Variants in ATF1 observed in about 807,000 individuals in gnomAD.
The protein encoded by ATF1 is activating transcription factor 1, also known as cyclic AMP-dependent transcription factor ATF-1.
A neutral mutation model predicts 34.7 loss-of-function variants in ATF1; 16 were observed. The observed-to-expected ratio is 0.46, with a 90% CI of 0.31 to 0.70. The LOEUF (loss-of-function observed/expected upper bound fraction) is 0.70, where lower values mean the gene tolerates loss of function less well. ATF1 is among the 30% of genes least tolerant of loss of function. The pLI, the probability that ATF1 is intolerant of heterozygous loss-of-function variation, is 0.05. For synonymous variants in ATF1, 105 were observed against 113.1 expected (o/e 0.93, Z 0.46); for missense variants, 255 against 321.6 (o/e 0.79, Z 1.58).
chr12:50,774,685 CTGT>C (rs1477663476), intron 1 of ATF1, among the ~76,000 whole-genome samples: 46 of 151,104 alleles, frequency 3.0e-4, no homozygotes, highest in African/African-American at 8.8e-4. Flanking sequence ...ACAGTATGTA[CTGT>C]TGTTTATGAG....
chr12:50,773,012 A>G (rs1308048887), intron 1 of ATF1, among the ~76,000 whole-genome samples: 1 of 152,200 alleles, frequency 6.6e-6, no homozygotes. Flanking sequence ...AAGTGAGAAC[A>G]TGCAGTGTTT....
intron 3 of ATF1, among the ~76,000 whole-genome samples, chr12:50,800,160 C>T (rs368965467): frequency 2.6e-5 from 4 of 152,166 alleles, no homozygotes; most frequent in African/African-American, 9.7e-5. Flanking sequence ...CTACAGAGTG[C>T]TCATCAGAAA....
chr12:50,804,720 C>G (rs1248519960), intron 3 of ATF1, among the ~76,000 whole-genome samples: 1 of 152,116 alleles, frequency 6.6e-6, no homozygotes. Context: ...TTCAGTAAAC[C>G]TGTCTCAGGA....
intron 3 of ATF1, among the ~76,000 whole-genome samples, chr12:50,800,116 T>G (rs1287495276): frequency 6.6e-6 from 1 of 152,200 alleles, no homozygotes; most frequent in Admixed American, 6.5e-5. Context: ...CAGAGAATAA[T>G]GGCACATTAC....
intron 6 of ATF1, among the ~76,000 whole-genome samples, chr12:50,818,336 G>A (rs1217558543): frequency 1.3e-5 from 2 of 152,176 alleles, no homozygotes; most frequent in African/African-American, 4.8e-5. Flanking sequence ...CTTGAGTCCA[G>A]GAGGTCAAGG....
chr12:50,771,044 C>A (rs1417703883), intron 1 of ATF1, among the ~76,000 whole-genome samples: 1 of 151,650 alleles, frequency 6.6e-6, no homozygotes, highest in Admixed American at 6.6e-5. Context: ...CTTGTTCTGT[C>A]GCCCAGGCTG....
intron 3 of ATF1, among the ~76,000 whole-genome samples, chr12:50,799,750 A>G (rs1592191336): frequency 6.6e-6 from 1 of 152,256 alleles, no homozygotes; most frequent in East Asian, 1.9e-4. Flanking sequence ...GTTCAATAGT[A>G]GAATGGAAAT....
chr12:50,777,245 A>G (rs1940947076), intron 1 of ATF1, among the ~76,000 whole-genome samples: 1 of 151,830 alleles, frequency 6.6e-6, no homozygotes, highest in South Asian at 2.1e-4. Context: ...ACAAAGTAGT[A>G]CATGTAGTAT....
At chr12:50,813,776 T>C (rs1326795551) in intron 4 of ATF1, among the ~76,000 whole-genome samples, 1 of 151,830 alleles carries the variant, frequency 6.6e-6, no homozygotes, top group Non-Finnish European at 1.5e-5. Context: ...ATCGTGCCAC[T>C]GCACTCCAGC....
chr12:50,766,471 C>T (rs1235780046), intron 1 of ATF1, among the ~76,000 whole-genome samples: 1 of 151,210 alleles, frequency 6.6e-6, no homozygotes, highest in Non-Finnish European at 1.5e-5. Flanking sequence ...TGAACAGGAT[C>T]GTGGGACATG....
intron 6 of ATF1, among the ~76,000 whole-genome samples, chr12:50,815,570 G>A (rs1453398743): frequency 1.4e-5 from 2 of 146,348 alleles, no homozygotes; most frequent in South Asian, 4.3e-4. Flanking sequence ...TTTTTTTCTT[G>A]TAGAGGTGGG....
At chr12:50,764,886 C>CA (rs1033633868) in intron 1 of ATF1, among the ~76,000 whole-genome samples, 5 of 152,230 alleles carry the variant, frequency 3.3e-5, no homozygotes, top group Admixed American at 1.3e-4. Context: ...GCAGCGGAGA[C>CA]AGAGTGGGGA....
intron 1 of ATF1, among the ~76,000 whole-genome samples, chr12:50,777,523 C>T (rs1940953370): frequency 6.6e-6 from 1 of 152,098 alleles, no homozygotes; most frequent in Non-Finnish European, 1.5e-5. Flanking sequence ...CCTGTAATCC[C>T]AGCACTTTGG....
intron 6 of ATF1, among the ~76,000 whole-genome samples, chr12:50,819,193 T>C (rs1051928927): frequency 6.6e-6 from 1 of 152,236 alleles, no homozygotes; most frequent in Non-Finnish European, 1.5e-5. Context: ...GTTATATTCA[T>C]ACAGTGAACT....
chr12:50,779,553 T>C (rs553239751), intron 1 of ATF1, among the ~76,000 whole-genome samples: 3 of 151,054 alleles, frequency 2.0e-5, no homozygotes, highest in Admixed American at 1.3e-4. Context: ...CCTCTCTCTT[T>C]TTTTTTTTTT....
intron 3 of ATF1, among the ~76,000 whole-genome samples, chr12:50,808,915 T>G (rs1340595593): frequency 6.6e-6 from 1 of 151,898 alleles, no homozygotes; most frequent in Non-Finnish European, 1.5e-5. Context: ...AATTTTTGTA[T>G]TTTTAGTAGA....
intron 4 of ATF1, among the ~76,000 whole-genome samples, 190 bp from the exon 5 acceptor site, chr12:50,813,820 G>A (rs202074065): frequency 3.7e-4 from 55 of 148,774 alleles, no homozygotes; most frequent in Non-Finnish European, 4.8e-4. Flanking sequence ...TCTCAAAAAA[G>A]AAAAAAAAAA....
At chr12:50,794,492 G>A (rs1941371077) in intron 2 of ATF1, among the ~76,000 whole-genome samples, 1 of 151,750 alleles carries the variant, frequency 6.6e-6, no homozygotes, top group African/African-American at 2.4e-5. Flanking sequence ...TTGAACCCAG[G>A]AGGTGGAGGT....
At chr12:50,812,870 T>C (rs1941765571) in intron 4 of ATF1, among the ~76,000 whole-genome samples, 1 of 152,058 alleles carries the variant, frequency 6.6e-6, no homozygotes, top group African/African-American at 2.4e-5. Context: ...TAAAAAAATA[T>C]TTTGAAACTC....
Sources: allele counts gnomAD v4.1 joint callset (sites outside exome capture counted in the v4.1 genomes callset), GRCh38; gene constraint gnomAD v4.1.1; transcripts MANE v1.5; gene names NCBI Gene and HGNC (gene_info 2026-07-23, HGNC 2026-07-21).